Variants in TRMT1L observed in about 807,000 individuals in gnomAD.
The protein encoded by TRMT1L is tRNA (guanine(27)-N(2))-dimethyltransferase.
In TRMT1L, 28 loss-of-function variants were observed where a neutral mutation model predicts 81.6. The observed-to-expected ratio is 0.34, with a 90% CI of 0.25 to 0.47. The LOEUF is 0.47. Ranked by LOEUF, TRMT1L falls within the 20% of genes least tolerant of loss-of-function variation. The pLI is 1.00. For synonymous variants in TRMT1L, 301 were observed against 303.2 expected, an observed-to-expected ratio of 0.99 and a Z score of 0.07; for missense variants, 739 against 877.1, an observed-to-expected ratio of 0.84 and a Z score of 1.99.
At chr1:185,140,926 C>T (rs1445816239) in intron 7 of TRMT1L, among the ~76,000 whole-genome samples, 5 of 144,858 alleles carry the variant, frequency 3.5e-5, no homozygotes, top group African/African-American at 5.2e-5. Context: ...TGAAGTGAGT[C>T]GAGATGGTGC....
At chr1:185,134,981 C>A (rs999338385) in intron 10 of TRMT1L, among the ~76,000 whole-genome samples, 1 of 151,896 alleles carries the variant, frequency 6.6e-6, no homozygotes, top group Admixed American at 6.6e-5. Context: ...GTATAACAAA[C>A]AAAAATTAGG....
intron 10 of TRMT1L, among the ~76,000 whole-genome samples, chr1:185,136,757 G>A (rs1404044537): frequency 2.6e-5 from 4 of 152,140 alleles, no homozygotes; most frequent in African/African-American, 9.7e-5. Flanking sequence ...AGACGTGTAT[G>A]AAGAAATATC....
chr1:185,144,742 T>G (rs564416596), intron 5 of TRMT1L, among the ~76,000 whole-genome samples: 38 of 151,808 alleles, frequency 2.5e-4, no homozygotes, highest in Non-Finnish European at 5.0e-4. Flanking sequence ...AAATGGCAAC[T>G]GTATCTTTCT....
chr1:185,142,053 G>A (rs1653063764), intron 7 of TRMT1L, among the ~76,000 whole-genome samples: 3 of 152,190 alleles, frequency 2.0e-5, no homozygotes, highest in African/African-American at 4.8e-5. Flanking sequence ...CCTGGTGGCT[G>A]AGTAGATATG....
intron 7 of TRMT1L, among the ~76,000 whole-genome samples, chr1:185,142,848 T>C (rs893703783): frequency 1.5e-4 from 23 of 152,138 alleles, no homozygotes; most frequent in African/African-American, 5.3e-4. Flanking sequence ...GAAGGACCCA[T>C]AGATTTAAAA....
chr1:185,147,218 A>C lies in TRMT1L; in HGVS notation c.489T>G (p.Pro163=). 2 of 1,611,002 alleles carry C rather than the reference A, an allele frequency of 1.2e-6. No homozygotes were observed. Among genetic ancestry groups the C allele is most frequent in the Non-Finnish European group, 8.5e-7 (1 of 1,178,020 alleles). The part of the protein sequence containing the change: ...EGYRMCICHL[P]CRPVKPNIIG... ...TAATGTTTGGTTTCACTGGTCGACA[A>C]GGTAAGTGACAGATGCACATCCTGT... is the stretch of plus-strand genomic sequence containing the variant. The change falls in exon 4 of 15, where the codon CCT becomes CCG. Residue 163 remains proline, a synonymous_variant. Transcript: ENST00000367506.
intron 1 of TRMT1L, among the ~76,000 whole-genome samples, chr1:185,153,754 T>G (rs1653423269): frequency 6.6e-6 from 1 of 152,092 alleles, no homozygotes; most frequent in Non-Finnish European, 1.5e-5. Context: ...ATATTAAGAT[T>G]AGGAGAAACT....
intron 4 of TRMT1L, 49 bp from the exon 5 acceptor site, chr1:185,145,617 A>G (rs767544347): frequency 4.4e-5 from 70 of 1,584,114 alleles, no homozygotes; most frequent in Non-Finnish European, 6.0e-5. Context: ...ACAATGAAAC[A>G]GAAGTATATG....
At chr1:185,139,650 C>T (rs562732164) in intron 8 of TRMT1L, 71 bp from the exon 9 acceptor site, 1 of 1,040,532 alleles carries the variant, frequency 9.6e-7, no homozygotes, top group African/African-American at 1.6e-5. Context: ...GTAATTATTT[C>T]TAATTATAAA....
At chr1:185,127,759 C>CAAAAAAAA (rs986438990) in intron 11 of TRMT1L, among the ~76,000 whole-genome samples, 2 of 36,424 alleles carry the variant, frequency 5.5e-5, no homozygotes, top group Admixed American at 2.7e-4. Flanking sequence ...AACTCTGTCT[C>CAAAAAAAA]AAAAAAAAAA....
intron 8 of TRMT1L, 31 bp downstream of exon 8, chr1:185,139,942 G>A (rs201046209): frequency 2.3e-4 from 368 of 1,579,374 alleles, no homozygotes; most frequent in Admixed American, 5.8e-4. Flanking sequence ...GATAAGTTTA[G>A]AAAGTGACAC....
Position 185,118,958 on chromosome 1 carries a change from C to T in TRMT1L, c.*1061G>A, listed in dbSNP as rs1652427677. ...TTTAGGGATAAATATGGATCAAATC[C>T]TTGAGACAAAAACCCAAACTTTATA... On this transcript the variant is annotated 3_prime_UTR_variant, in exon 15 of 15. Coordinates refer to ENST00000367506, the MANE Select transcript of TRMT1L (RefSeq NM_030934.5). 1 of 151,614 alleles carries T rather than the reference C, an allele frequency of 6.6e-6. No individual in the cohort carries two copies. Among genetic ancestry groups the T allele is most frequent in the Admixed American group, 6.6e-5 (1 of 15,186 alleles). The allele number at this position is 151,614 out of a possible 1,614,324, so 9.4% of individuals were successfully genotyped here. A position where few individuals can be genotyped will look rare whatever the true frequency, so the allele number is the denominator to read the frequency against.
At chr1:185,128,595 CATA>C in intron 11 of TRMT1L, 71 bp downstream of exon 11, 1 of 1,376,612 alleles carries the variant, frequency 7.3e-7, no homozygotes, top group Middle Eastern at 1.8e-4. Context: ...TTTTACCACA[CATA>C]ATAAAAATCA....
intron 10 of TRMT1L, among the ~76,000 whole-genome samples, chr1:185,129,725 C>A (rs1406826530): frequency 6.6e-6 from 1 of 152,160 alleles, no homozygotes; most frequent in East Asian, 1.9e-4. Flanking sequence ...TGGTATAATG[C>A]ATAGTTATGA....
chr1:185,135,428 AAAG>A (rs1293812930), intron 10 of TRMT1L, among the ~76,000 whole-genome samples: 2 of 151,756 alleles, frequency 1.3e-5, no homozygotes, highest in African/African-American at 4.8e-5. Flanking sequence ...AAAAAAAAAA[AAAG>A]AAAGAAAAAC....
At position 185,119,827 on chromosome 1, in the gene TRMT1L, A is replaced by C. The variant is rs1046996648; in HGVS notation, c.*192T>G. ...TCCATTAAAATTTTAAGTTTGCCTT[A>C]AAACAAAAAAAAACTTGGAAAGCAA... On this transcript the variant is annotated 3_prime_UTR_variant, in exon 15 of 15. Transcript: ENST00000367506. The C allele has an allele frequency of 1.6e-6, 1 of 618,604 alleles. No individual in the cohort carries two copies. The highest frequency in any genetic ancestry group is 2.5e-6 in the Non-Finnish European group (1 of 396,792). 38.3% of individuals were successfully genotyped at this position (618,604 alleles called of 1,614,324 possible).
At chr1:185,120,566 T>C in intron 13 of TRMT1L, 57 bp from the exon 14 acceptor site, 1 of 1,399,790 alleles carries the variant, frequency 7.1e-7, no homozygotes, top group South Asian at 1.9e-5. Context: ...CCAAATACTT[T>C]TATAACTATA....
In TRMT1L at chr1:185,150,617, G is replaced by A. The variant is rs960373392; in HGVS notation, c.347-125C>T. ...TTAAAGTCTTTCTTAACTTTAGGGA[G>A]AAGTCATTATTCTTGACCCAGGAGA... is the stretch of plus-strand genomic sequence containing the variant. On this transcript the variant is annotated intron_variant, in intron 2 of 14. Coordinates refer to ENST00000367506, the MANE Select transcript of TRMT1L (RefSeq NM_030934.5). 5.9e-5 allele frequency: 41 copies of A among 689,470 alleles called. No individual in the cohort carries two copies. In the African/African-American group the frequency reaches 6.9e-4, roughly 12 times the overall value. 42.7% of individuals were successfully genotyped at this position (689,470 alleles called of 1,614,324 possible).
chr1:185,147,051 G>C (rs1009627802), intron 4 of TRMT1L, 131 bp downstream of exon 4: 2 of 493,612 alleles, frequency 4.1e-6, no homozygotes, highest in African/African-American at 3.9e-5. Context: ...ATGATAATCT[G>C]AAAGGACTCA....
Sources: gnomAD v4.1 joint callset for allele counts (sites outside exome capture counted in the v4.1 genomes callset) on GRCh38, gnomAD v4.1.1 for gene constraint, MANE v1.5 for transcripts, NCBI Gene and HGNC (gene_info 2026-07-23, HGNC 2026-07-21) for gene names.